Variants in GSDMB observed in about 807,000 individuals in gnomAD.
GSDMB encodes the protein gasdermin B.
GSDMB carries 32 observed loss-of-function variants against 42.9 expected under a neutral mutation model. The observed-to-expected ratio is 0.75, with a 90% CI of 0.56 to 1.00. The LOEUF (loss-of-function observed/expected upper bound fraction) is 1.00, where lower values mean the gene tolerates loss of function less well. GSDMB is among the 50% of genes least tolerant of loss of function. The pLI, the probability that GSDMB is intolerant of heterozygous loss-of-function variation, is 0.00. For missense variants in GSDMB, 468 were observed against 498.5 expected (o/e 0.94, Z 0.58); for synonymous variants, 175 against 193.7 (o/e 0.90, Z 0.80).
intron 6 of GSDMB, 175 bp from the exon 7 acceptor site, chr17:39,907,162 C>G (rs2063520378): frequency 1.4e-6 from 2 of 1,436,998 alleles, no homozygotes; most frequent in African/African-American, 2.8e-5. Context: ...ATTTGCAGAC[C>G]CTTCCCACAT....
intron 2 of GSDMB, 108 bp from the exon 3 acceptor site, chr17:39,912,605 C>T (rs1313586969): frequency 2.4e-6 from 2 of 820,922 alleles, no homozygotes; most frequent in East Asian, 2.5e-5. Context: ...CACCATCCCC[C>T]TCCCTTCTGA....
rs192661237 is a variant in GSDMB, at chr17:39,908,122, T to C, written c.700+54A>G. ...CACTCTGTAATTCCATTTTTAAAAA[T>C]AGTGTCTTTGCCCATTCTGAAATGA... On this transcript the variant is annotated intron_variant, in intron 6 of 10. Coordinates refer to ENST00000418519, the MANE Select transcript of GSDMB (RefSeq NM_001165958.2). The C allele has an allele frequency of 1.2e-4, 121 of 993,242 alleles. No individual in the cohort carries two copies. The East Asian group carries it at 2.9e-3, about 24-fold the overall frequency. The allele number at this position is 993,242 out of a possible 1,614,324, so 61.5% of individuals were successfully genotyped here. A position where few individuals can be genotyped will look rare whatever the true frequency, so the allele number is the denominator to read the frequency against.
chr17:39,910,053 C>G (rs1471608414), intron 3 of GSDMB, 129 bp from the exon 4 acceptor site: 1 of 733,868 alleles, frequency 1.4e-6, no homozygotes, highest in Non-Finnish European at 2.3e-6. Flanking sequence ...CCAAGGAACA[C>G]AGCACCCCAT....
At chr17:39,905,767 C>G (rs2063492900) in intron 9 of GSDMB, 80 bp downstream of exon 9, 1 of 1,469,276 alleles carries the variant, frequency 6.8e-7, no homozygotes. Context: ...CATGCAGCCC[C>G]TCCTCCCAAG....
chr17:39,909,071 C>G (rs756777277), intron 4 of GSDMB, 29 bp from the exon 5 acceptor site: 1 of 1,341,410 alleles, frequency 7.5e-7, no homozygotes, highest in South Asian at 1.3e-5. Context: ...ATTGACGGAT[C>G]CCCAGGTGTT....
intron 4 of GSDMB, 196 bp downstream of exon 4, chr17:39,909,560 T>C (rs1397750888): frequency 3.6e-6 from 2 of 553,602 alleles, no homozygotes; most frequent in African/African-American, 3.8e-5. Context: ...AAAATGCAAA[T>C]GAAAAGAGGG....
chr17:39,909,887 T>C lies in GSDMB; in HGVS notation c.445A>G (p.Ile149Val), dbSNP rs760241860. 12 of 1,613,860 alleles carry C rather than the reference T, an allele frequency of 7.4e-6. No homozygotes were observed. The highest frequency in any genetic ancestry group is 1.3e-5 in the African/African-American group (1 of 74,926). The change falls in exon 4 of 11, where the codon ATT becomes GTT. Residue 149 changes from isoleucine (I) to valine (V), a missense_variant. By Grantham distance (29) the Ile-to-Val change is conservative. Transcript: ENST00000418519. ...KRELPFSFRS[I>V]NTRENLYLVT... ...AGATACAGGTTTTCTCTCGTATTAA[T>C]TGATCGGAATGAAAAGGGTAGTTCC...
chr17:39,908,130 T>C, intron 6 of GSDMB, 46 bp downstream of exon 6: 1 of 1,081,120 alleles, frequency 9.2e-7, no homozygotes, highest in Non-Finnish European at 1.4e-6. Context: ...AATAGTGTCT[T>C]TGCCCATTCT....
chr17:39,906,330 G>A, intron 7 of GSDMB, 59 bp from the exon 8 acceptor site: 1 of 1,532,096 alleles, frequency 6.5e-7, no homozygotes, highest in East Asian at 2.2e-5. Context: ...TATTTCTAAG[G>A]CTCTGTTATT....
chr17:39,906,881 C>A, intron 7 of GSDMB, 80 bp downstream of exon 7: 1 of 1,606,826 alleles, frequency 6.2e-7, no homozygotes, highest in Non-Finnish European at 8.5e-7. Context: ...GCTGACCCCA[C>A]CTGAGCAGCA....
chr17:39,909,816 G>A lies in GSDMB; in HGVS notation c.516C>T (p.Ser172=), dbSNP rs143933205. The part of the protein sequence containing the change: ...LETVKEETLK[S]DRQYKFWSQI... ...GGCTCCAAAATTTATATTGCCGGTC[G>A]CTTTTCAGGGTTTCCTCCTTTACCG... The change falls in exon 4 of 11, where the codon AGC becomes AGT. Residue 172 remains serine (S), a synonymous_variant. Coordinates refer to ENST00000418519, the MANE Select transcript of GSDMB (RefSeq NM_001165958.2). 146 of 1,613,928 alleles carry A rather than the reference G, an allele frequency of 9.0e-5. No individual in the cohort carries two copies. The highest frequency in any genetic ancestry group is 5.8e-4 in the Admixed American group (35 of 60,010).
At position 39,905,708 on chromosome 17, in the gene GSDMB, G is replaced by A; in HGVS notation, c.1027+139C>T. ...ACGAGGAACCAGCCCCTCAATGCCTGGCCTGAGGAAGACATGAAGGAGTGC... is the reference window on the plus strand; with the variant it reads ...ACGAGGAACCAGCCCCTCAATGCCTAGCCTGAGGAAGACATGAAGGAGTGC... On this transcript the variant is annotated intron_variant, in intron 9 of 10. Transcript: ENST00000418519. 1.9e-6 allele frequency: 2 copies of A among 1,051,110 alleles called. 1 individual carries two copies. 65.1% of individuals were successfully genotyped at this position (1,051,110 alleles called of 1,614,324 possible).
rs754993289 is a variant in GSDMB, at chr17:39,906,189, C to T, written c.810G>A (p.Glu270=). The change falls in exon 8 of 11, where the codon GAG becomes GAA. Residue 270 remains glutamate (E), a synonymous_variant. Coordinates refer to ENST00000418519, the MANE Select transcript of GSDMB (RefSeq NM_001165958.2). ...AGTTTAGCACATCTTTTCTCTTCTC[C>T]TCTGTCAGGTCCTTGAGGACACTCT... The part of the protein sequence containing the change: ...DMESVLKDLT[E]EKRKDVLNSL... 6.2e-7 allele frequency: 1 copy of T among 1,614,074 alleles called. No individual in the cohort carries two copies. The highest frequency in any genetic ancestry group is 1.7e-5 in the Admixed American group (1 of 60,014).
At chr17:39,918,287 A>G (rs1173948244) in intron 1 of GSDMB, 1 of 152,076 alleles carries the variant, frequency 6.6e-6, no homozygotes, top group Non-Finnish European at 1.5e-5. Flanking sequence ...CAATTTCCCA[A>G]TGAGGTGGTG....
At chr17:39,904,989 AAC>A (rs763913473) in intron 10 of GSDMB, 25 bp from the exon 11 acceptor site, 1 of 1,604,332 alleles carries the variant, frequency 6.2e-7, no homozygotes, top group Admixed American at 1.7e-5. Flanking sequence ...CCCAGATTGT[AAC>A]AGCTAGGAAC....
chr17:39,906,932 C>T, intron 7 of GSDMB, 29 bp downstream of exon 7: 1 of 1,613,816 alleles, frequency 6.2e-7, no homozygotes, highest in East Asian at 2.2e-5. Flanking sequence ...GGTGCAGCCA[C>T]CCTGAACACA....
At position 39,905,912 on chromosome 17, in the gene GSDMB, T is replaced by G. The variant is rs1425974424; in HGVS notation, c.962A>C (p.Asn321Thr). The change falls in exon 9 of 11, where the codon AAT becomes ACT. Residue 321 changes from asparagine to threonine, a missense_variant. Coordinates refer to ENST00000418519, the MANE Select transcript of GSDMB (RefSeq NM_001165958.2). Reference protein sequence around the residue: ...PDKPLLSSLFNAAGVLVEARA... With the variant: ...PDKPLLSSLFTAAGVLVEARA... The stretch of plus-strand genomic sequence containing the variant: ...CGCTTCTACCAAGACCCCAGCAGCA[T>G]TAAAAAGGCTGCTTAGGAGAGGCTT... 1 of 1,613,936 alleles carries G rather than the reference T, an allele frequency of 6.2e-7. No individual in the cohort carries two copies. The highest frequency in any genetic ancestry group is 1.3e-5 in the African/African-American group (1 of 74,892).
At chr17:39,908,608 G>A (rs1159212549) in intron 5 of GSDMB, among the ~76,000 whole-genome samples, 1 of 152,112 alleles carries the variant, frequency 6.6e-6, no homozygotes, top group Non-Finnish European at 1.5e-5. Context: ...TCGAACTCCT[G>A]ATCTCAGGTG....
At chr17:39,917,403 G>A in intron 1 of GSDMB, 73 bp from the exon 2 acceptor site, 1 of 883,842 alleles carries the variant, frequency 1.1e-6, no homozygotes, top group Admixed American at 1.9e-5. Context: ...TCCACATTTG[G>A]CAGCCTGAGG....
Sources: allele counts gnomAD v4.1 joint callset (sites outside exome capture counted in the v4.1 genomes callset), GRCh38; gene constraint gnomAD v4.1.1; transcripts MANE v1.5; gene names NCBI Gene and HGNC (gene_info 2026-07-23, HGNC 2026-07-21).